Variants in TRIM36 observed in about 807,000 individuals in gnomAD.
TRIM36 encodes tripartite motif containing 36, also known as E3 ubiquitin-protein ligase TRIM36.
Under a neutral mutation model 72.4 loss-of-function variants are expected in TRIM36, and 42 were observed. The observed-to-expected ratio is 0.58, with a 90% CI of 0.45 to 0.75. The LOEUF (loss-of-function observed/expected upper bound fraction) is 0.75. Among genes scored for constraint, TRIM36 ranks in the 30% least tolerant of loss-of-function variants. The probability of loss-of-function intolerance (pLI) is 0.00; values close to 1 mark genes in which losing one functional copy is unlikely to be tolerated. For synonymous variants in TRIM36, 315 were observed against 282.8 expected, an observed-to-expected ratio of 1.11 and a Z score of -1.14; for missense variants, 913 against 857.1, an observed-to-expected ratio of 1.07 and a Z score of -0.81.
At chr5:115,137,215 C>A in intron 6 of TRIM36, 91 bp from the exon 7 acceptor site, 1 of 1,477,692 alleles carries the variant, frequency 6.8e-7, no homozygotes, top group African/African-American at 1.4e-5. Context: ...AAAACCCACA[C>A]TTCACTCAAA....
chr5:115,176,411 TC>T (rs1273292326), intron 1 of TRIM36, among the ~76,000 whole-genome samples: 2 of 152,178 alleles, frequency 1.3e-5, no homozygotes, highest in African/African-American at 4.8e-5. Context: ...TCAAAGATGT[TC>T]AAAGTTAAAA....
intron 1 of TRIM36, chr5:115,177,891 G>A (rs778933939): frequency 5.6e-6 from 8 of 1,433,942 alleles, no homozygotes; most frequent in Non-Finnish European, 7.7e-6. Flanking sequence ...GAGAGAGACA[G>A]AGAGAGAGAG....
intron 2 of TRIM36, among the ~76,000 whole-genome samples, chr5:115,147,642 A>G (rs763325418): frequency 6.6e-6 from 1 of 152,028 alleles, no homozygotes; most frequent in Non-Finnish European, 1.5e-5. Context: ...AAACCCACAT[A>G]GAATCCATAT....
At chr5:115,176,773 G>A (rs908385049) in intron 1 of TRIM36, among the ~76,000 whole-genome samples, 1 of 142,832 alleles carries the variant, frequency 7.0e-6, no homozygotes, top group Non-Finnish European at 1.6e-5. Flanking sequence ...ATTGACCACA[G>A]ATTTGGAAAC....
Position 115,169,777 on chromosome 5 carries a change from G to C in TRIM36, c.-143C>G. The C allele has an allele frequency of 7.6e-7, 1 of 1,322,230 alleles. No homozygotes were observed. 81.9% of individuals were successfully genotyped at this position (1,322,230 alleles called of 1,614,324 possible). A position where few individuals can be genotyped will look rare whatever the true frequency, so the allele number is the denominator to read the frequency against. ...TGAGCTGGTCAGCTGTACGTGGCCAGCGGACCGACGCGGGGAGAAGTAAGC... is the reference window on the plus strand; with the variant it reads ...TGAGCTGGTCAGCTGTACGTGGCCACCGGACCGACGCGGGGAGAAGTAAGC... On this transcript the variant is annotated 5_prime_UTR_variant, in exon 1 of 10. Transcript: ENST00000513154.
intron 8 of TRIM36, among the ~76,000 whole-genome samples, chr5:115,132,550 GA>G (rs11290682): frequency 0.57 from 64,034 of 111,426 alleles, 15,820 homozygotes; most frequent in Middle Eastern, 0.67. Flanking sequence ...CCTCCAAAAA[GA>G]AAAAAAAAAA....
At chr5:115,132,424 T>C (rs954620488) in intron 8 of TRIM36, among the ~76,000 whole-genome samples, 1 of 151,612 alleles carries the variant, frequency 6.6e-6, no homozygotes, top group African/African-American at 2.4e-5. Context: ...TCCCAGCTAC[T>C]ACTCAGGAAG....
At chr5:115,138,419 A>G (rs1753088841) in intron 5 of TRIM36, among the ~76,000 whole-genome samples, 1 of 152,148 alleles carries the variant, frequency 6.6e-6, no homozygotes, top group African/African-American at 2.4e-5. Context: ...TTTAGCCACA[A>G]AACTCTAAAA....
chr5:115,127,514 T>C (rs956787710), intron 9 of TRIM36, among the ~76,000 whole-genome samples: 1 of 152,212 alleles, frequency 6.6e-6, no homozygotes. Context: ...TGGACCGAGA[T>C]AGCACCACTG....
At chr5:115,159,208 C>T (rs756438996) in intron 2 of TRIM36, among the ~76,000 whole-genome samples, 13 of 152,050 alleles carry the variant, frequency 8.5e-5, no homozygotes, top group South Asian at 2.1e-4. Context: ...ATGTATAAAA[C>T]GAGCAAAGAT....
At chr5:115,140,692 G>T (rs1261502369) in intron 5 of TRIM36, among the ~76,000 whole-genome samples, 1 of 151,948 alleles carries the variant, frequency 6.6e-6, no homozygotes, top group Non-Finnish European at 1.5e-5. Context: ...CCTTCCTGTC[G>T]ACATTACTGC....
At chr5:115,175,862 C>T (rs1338595538) in intron 1 of TRIM36, among the ~76,000 whole-genome samples, 3 of 152,122 alleles carry the variant, frequency 2.0e-5, no homozygotes, top group Non-Finnish European at 4.4e-5. Flanking sequence ...CGGTGGCTCA[C>T]CCCTGTAATC....
chr5:115,139,567 GAGC>G (rs1293148691), intron 5 of TRIM36, among the ~76,000 whole-genome samples: 2 of 152,164 alleles, frequency 1.3e-5, no homozygotes, highest in Admixed American at 6.5e-5. Flanking sequence ...AAAAGAGAAG[GAGC>G]AGAAGGTAGT....
rs142451940 is a variant in TRIM36 at position 115,126,628 on chromosome 5, G to A, written c.2026C>T (p.Leu676Phe). 2 of 1,614,144 alleles carry A rather than the reference G, an allele frequency of 1.2e-6. No homozygotes were observed. The highest frequency in any genetic ancestry group is 1.7e-6 in the Non-Finnish European group (2 of 1,180,012). The change falls in exon 10 of 10, where the codon CTT becomes TTT. Residue 676 changes from leucine to phenylalanine, a missense_variant. Coordinates refer to ENST00000513154, the MANE Select transcript of TRIM36 (RefSeq NM_001300759.2). ...GAACAGTCCACTTGGCGTTCATAAA[G>A]GCATTTCATCTGATCCATATCATAG... is the stretch of plus-strand genomic sequence containing the variant. ...DFYDMDQMKC[L>F]YERQVDCSHT...
chr5:115,163,690 G>A lies in TRIM36; in HGVS notation c.90C>T (p.His30=), dbSNP rs1401444683. Residue 30 remains histidine (H), a synonymous_variant, in exon 2 of 10, where the codon CAC becomes CAT. Coordinates refer to ENST00000513154, the MANE Select transcript of TRIM36 (RefSeq NM_001300759.2). ...ICPACKELFT[H]PLILPCQHSI... Reference sequence around the variant, plus strand: ...TATGTTGGCAAGGGAGAATCAATGGGTGGGTAAACAGCTCCTTGCATGCTG... The same window carrying A: ...TATGTTGGCAAGGGAGAATCAATGGATGGGTAAACAGCTCCTTGCATGCTG... The A allele has an allele frequency of 5.6e-6, 9 of 1,614,066 alleles. No individual in the cohort carries two copies. The highest frequency in any genetic ancestry group is 1.3e-5 in the African/African-American group (1 of 74,902).
At chr5:115,151,541 T>C (rs1753896281) in intron 2 of TRIM36, among the ~76,000 whole-genome samples, 1 of 152,194 alleles carries the variant, frequency 6.6e-6, no homozygotes, top group Non-Finnish European at 1.5e-5. Context: ...TGATGCTCTT[T>C]GGAAAGTGCC....
In TRIM36 at chr5:115,136,329, A is replaced by G. The variant is rs577771856; in HGVS notation, c.1210+671T>C. Among the ~76,000 whole-genome samples, 20 of 152,192 alleles carry G rather than the reference A, an allele frequency of 1.3e-4. No individual in the cohort carries two copies. In the South Asian group the frequency reaches 3.9e-3, roughly 30 times the overall value. ...ACACAGAGGACCATGTGAAGACACA[A>G]GGAGAAGATAGCCATTTATCATTTA... On this transcript the variant is annotated intron_variant, in intron 7 of 9. Coordinates refer to ENST00000513154, the MANE Select transcript of TRIM36 (RefSeq NM_001300759.2).
intron 2 of TRIM36, 146 bp from the exon 3 acceptor site, chr5:115,147,540 A>C: frequency 9.7e-7 from 1 of 1,028,228 alleles, no homozygotes. Context: ...TTGTATTGTG[A>C]AAATGTTTTT....
At chr5:115,143,196 A>C (rs80164197) in intron 4 of TRIM36, among the ~76,000 whole-genome samples, 7,535 of 143,690 alleles carry the variant, frequency 0.052, 246 homozygotes, top group East Asian at 0.074. Context: ...AAGGCTGGAA[A>C]GAGTGCCTGT....
Sources: allele counts gnomAD v4.1 joint callset (sites outside exome capture counted in the v4.1 genomes callset), GRCh38; gene constraint gnomAD v4.1.1; transcripts MANE v1.5; gene names NCBI Gene and HGNC (gene_info 2026-07-23, HGNC 2026-07-21).